The following STEAP3 variants were observed in gnomAD, a reference collection of about 807,000 sequenced individuals.
STEAP3 encodes STEAP3 metalloreductase.
Under a neutral mutation model 34.9 loss-of-function variants are expected in STEAP3, and 35 were observed. The ratio of observed to expected loss-of-function variants is 1.00; its 90% CI spans 0.76 to 1.33. The LOEUF (loss-of-function observed/expected upper bound fraction) is 1.33, where lower values mean the gene tolerates loss of function less well. Ranked by LOEUF, STEAP3 falls within the 40% of genes most tolerant of loss-of-function variation. The pLI is 0.00. For synonymous variants in STEAP3, 281 were observed against 301.6 expected, an observed-to-expected ratio of 0.93 and a Z score of 0.71; for missense variants, 652 against 667.6, an observed-to-expected ratio of 0.98 and a Z score of 0.26.
rs373436819 is a variant in STEAP3, at chr2:119,240,745, G to A, written c.23-4744G>A. Among the ~76,000 whole-genome samples, 8 of 152,344 alleles carry A rather than the reference G, an allele frequency of 5.3e-5. No individual in the cohort carries two copies. The East Asian group carries it at 7.7e-4, about 15-fold the overall frequency. The stretch of plus-strand genomic sequence containing the variant: ...CACAGCTTGGGAGGAGAGGCAGGCA[G>A]GTCTGCAGGCAGGAGACAGGCCTCG... On this transcript the variant is annotated intron_variant, in intron 2 of 5. Transcript: ENST00000393110.
At chr2:119,254,915 C>A in intron 5 of STEAP3, 67 bp downstream of exon 5, 3 of 1,553,772 alleles carry the variant, frequency 1.9e-6, no homozygotes, top group South Asian at 2.4e-5. Context: ...TGAGTAAGTG[C>A]TCTGCCTTTG....
intron 4 of STEAP3, chr2:119,248,579 G>A (rs1239688610): frequency 9.8e-6 from 2 of 204,232 alleles, no homozygotes; most frequent in African/African-American, 4.6e-5. Context: ...AGTGCTATGT[G>A]AGCAGAGCTG....
intron 5 of STEAP3, among the ~76,000 whole-genome samples, chr2:119,260,377 A>AT (rs1235125711): frequency 2.7e-5 from 4 of 146,088 alleles, no homozygotes; most frequent in Non-Finnish European, 5.9e-5. Flanking sequence ...CAATGGCGTG[A>AT]TTTTGGCTCA....
chr2:119,251,773 A>G (rs951789881), intron 4 of STEAP3, among the ~76,000 whole-genome samples: 22 of 152,096 alleles, frequency 1.4e-4, no homozygotes, highest in Non-Finnish European at 1.5e-5. Flanking sequence ...CTAAATGGGC[A>G]GAGCTCATTC....
chr2:119,248,242 C>G, intron 4 of STEAP3, 36 bp downstream of exon 4: 1 of 1,538,846 alleles, frequency 6.5e-7, no homozygotes, highest in East Asian at 2.3e-5. Flanking sequence ...TCTGGCAACT[C>G]AGCACATGCT....
intron 2 of STEAP3, chr2:119,245,243 C>A: frequency 2.0e-6 from 1 of 496,816 alleles, no homozygotes; most frequent in Non-Finnish European, 3.5e-6. Context: ...GGAAATCATT[C>A]AGCAGGAGGG....
chr2:119,259,609 A>G (rs1440689573), intron 5 of STEAP3, among the ~76,000 whole-genome samples: 2 of 152,336 alleles, frequency 1.3e-5, no homozygotes, highest in African/African-American at 4.8e-5. Context: ...CAGCGTCTCC[A>G]CACTGTCCCT....
intron 1 of STEAP3, among the ~76,000 whole-genome samples, chr2:119,225,792 T>C (rs1679018018): frequency 6.6e-6 from 1 of 152,254 alleles, no homozygotes; most frequent in Admixed American, 6.5e-5. Context: ...CCCCGTAACA[T>C]GAAGCCCTCA....
At chr2:119,247,046 G>A (rs1460890737) in intron 3 of STEAP3, among the ~76,000 whole-genome samples, 1 of 152,154 alleles carries the variant, frequency 6.6e-6, no homozygotes, top group Non-Finnish European at 1.5e-5. Flanking sequence ...AGACTAAACT[G>A]ACCAATGCAG....
In STEAP3 at chr2:119,230,987, G is replaced by A; in HGVS notation, c.-26G>A. 2.5e-6 allele frequency: 4 copies of A among 1,614,202 alleles called. No individual in the cohort carries two copies. The highest frequency in any genetic ancestry group is 3.4e-6 in the Non-Finnish European group (4 of 1,180,008). Reference sequence around the variant, plus strand: ...ACGGTGAGGCTGTCGAGTGACCTGAGAGCCTCAGACCCTCACGTCAGCCGG... The same window carrying A: ...ACGGTGAGGCTGTCGAGTGACCTGAAAGCCTCAGACCCTCACGTCAGCCGG... On this transcript the variant is annotated 5_prime_UTR_variant, in exon 2 of 6. Coordinates refer to ENST00000393110, the MANE Select transcript of STEAP3 (RefSeq NM_182915.3).
In STEAP3 at chr2:119,245,759, T is replaced by C; in HGVS notation, c.293T>C (p.Phe98Ser). 6.2e-7 allele frequency: 1 copy of C among 1,614,214 alleles called. No homozygotes were observed. The part of the protein sequence containing the change: ...EEAVSSPEVI[F>S]VAVFREHYSS... ...GCAGTGAGCTCCCCGGAGGTCATCT[T>C]TGTGGCTGTGTTCCGGGAGCACTAC... The change falls in exon 3 of 6, where the codon TTT becomes TCT. Residue 98 changes from phenylalanine to serine, a missense_variant. Phe to Ser is a radical substitution (Grantham distance 155). Coordinates refer to ENST00000393110, the MANE Select transcript of STEAP3 (RefSeq NM_182915.3).
At chr2:119,224,080 C>T (rs370050892) in intron 1 of STEAP3, among the ~76,000 whole-genome samples, 192 bp downstream of exon 1, 1 of 152,332 alleles carries the variant, frequency 6.6e-6, no homozygotes, top group South Asian at 2.1e-4. Context: ...GGGCCCCCAC[C>T]CCGTGTGCCT....
rs1678074363 is a variant in STEAP3, at chr2:119,265,214, G to C, written c.*1876G>C. 2 of 152,300 alleles carry C rather than the reference G, an allele frequency of 1.3e-5. No homozygotes were observed. Among genetic ancestry groups the C allele is most frequent in the African/African-American group, 4.8e-5 (2 of 41,446 alleles). 9.4% of individuals were successfully genotyped at this position (152,300 alleles called of 1,614,324 possible). ...GGCTGCCTGCCCTGGGCCAGGGAAT[G>C]GCTCCTTATACCAAAGATGCTGGCA... On this transcript the variant is annotated 3_prime_UTR_variant, in exon 6 of 6. Coordinates refer to ENST00000393110, the MANE Select transcript of STEAP3 (RefSeq NM_182915.3).
intron 2 of STEAP3, among the ~76,000 whole-genome samples, chr2:119,232,604 T>G (rs905920677): frequency 6.6e-6 from 1 of 152,190 alleles, no homozygotes; most frequent in Non-Finnish European, 1.5e-5. Flanking sequence ...AAACTTCTTA[T>G]TTGCATAAAA....
At chr2:119,262,196 A>T (rs1260235525) in intron 5 of STEAP3, among the ~76,000 whole-genome samples, 1 of 152,178 alleles carries the variant, frequency 6.6e-6, no homozygotes, top group African/African-American at 2.4e-5. Context: ...TTTATCTTCA[A>T]GCTAATTTAA....
chr2:119,246,515 G>A (rs186287817), intron 3 of STEAP3: 3 of 156,016 alleles, frequency 1.9e-5, no homozygotes, highest in African/African-American at 7.2e-5. Context: ...TTCTTGCCAC[G>A]AGGAGCTCTT....
rs138092238 is a variant in STEAP3, at chr2:119,264,803, GCCC to G, written c.*1473_*1475del. On this transcript the variant is annotated 3_prime_UTR_variant, in exon 6 of 6. Transcript: ENST00000393110. ...GAATGTCACAGATGAGGCTGCCCCT[GCCC>G]CCCCCCCGCCAGGGAGGTTTCATGA... The G allele has an allele frequency of 7.8e-6, 1 of 128,072 alleles. No homozygotes were observed. Among genetic ancestry groups the G allele is most frequent in the African/African-American group, 2.8e-5 (1 of 35,308 alleles). 7.9% of individuals were successfully genotyped at this position (128,072 alleles called of 1,614,324 possible).
intron 3 of STEAP3, chr2:119,246,739 G>C (rs1677438990): frequency 6.6e-6 from 1 of 152,480 alleles, no homozygotes; most frequent in African/African-American, 2.4e-5. Flanking sequence ...AGGAGGAACA[G>C]TGGAGAGTGT....
chr2:119,247,655 G>T, intron 3 of STEAP3, 24 bp from the exon 4 acceptor site: 1 of 1,510,484 alleles, frequency 6.6e-7, no homozygotes, highest in South Asian at 1.3e-5. Context: ...GACGCCGTCT[G>T]ACTGCCCCAC....
Sources: allele counts gnomAD v4.1 joint callset (sites outside exome capture counted in the v4.1 genomes callset), GRCh38; gene constraint gnomAD v4.1.1; transcripts MANE v1.5; gene names NCBI Gene and HGNC (gene_info 2026-07-23, HGNC 2026-07-21).